The following GHR variants were observed in gnomAD, a reference collection of about 807,000 sequenced individuals.
GHR encodes the protein growth hormone receptor.
Under a neutral mutation model 67.1 loss-of-function variants are expected in GHR, and 35 were observed. That is an observed-to-expected ratio of 0.52 (90% confidence interval 0.40 to 0.69). The LOEUF (loss-of-function observed/expected upper bound fraction) is 0.69. Ranked by LOEUF, GHR falls within the 30% of genes least tolerant of loss-of-function variation. The pLI, the probability that GHR is intolerant of heterozygous loss-of-function variation, is 0.00. For missense variants in GHR, 792 were observed against 764.6 expected, an observed-to-expected ratio of 1.04 and a Z score of -0.42; for synonymous variants, 272 against 269.1, an observed-to-expected ratio of 1.01 and a Z score of -0.10.
rs537955487 is a variant in GHR at position 42,467,342 on chromosome 5, T to G, written c.-12+43387T>G. ...TGGCTTCGCTGATGTACAATAAGATTTGCAATCTGCGTAAAGGCTTTGCCA... is the reference window on the plus strand; with the variant it reads ...TGGCTTCGCTGATGTACAATAAGATGTGCAATCTGCGTAAAGGCTTTGCCA... On this transcript the variant is annotated intron_variant, in intron 1 of 9. Transcript: ENST00000230882. 8.2e-5 allele frequency: 86 copies of G among 1,051,446 alleles called. 1 individual carries two copies. Among genetic ancestry groups the G allele is most frequent in the Middle Eastern group, 4.1e-4 (2 of 4,888 alleles). The allele number at this position is 1,051,446 out of a possible 1,614,324, so 65.1% of individuals were successfully genotyped here. A position where few individuals can be genotyped will look rare whatever the true frequency, so the allele number is the denominator to read the frequency against.
chr5:42,571,557 G>A (rs909125750), intron 2 of GHR, among the ~76,000 whole-genome samples: 1 of 152,186 alleles, frequency 6.6e-6, no homozygotes, highest in African/African-American at 2.4e-5. Flanking sequence ...AGGTTGGTTA[G>A]GCTCCCACGG....
intron 1 of GHR, among the ~76,000 whole-genome samples, chr5:42,519,115 G>T (rs567740237): frequency 6.6e-6 from 1 of 152,206 alleles, no homozygotes; most frequent in Admixed American, 6.5e-5. Flanking sequence ...AAATAATATC[G>T]TATATACTTT....
At chr5:42,473,771 G>A (rs1745112784) in intron 1 of GHR, among the ~76,000 whole-genome samples, 2 of 151,994 alleles carry the variant, frequency 1.3e-5, no homozygotes, top group African/African-American at 4.8e-5. Flanking sequence ...CAGCTACTCG[G>A]GAGGCTGAGG....
chr5:42,532,863 A>ATTTTTTTT (rs1202964719), intron 1 of GHR, among the ~76,000 whole-genome samples: 2 of 152,270 alleles, frequency 1.3e-5, no homozygotes, highest in East Asian at 3.9e-4. Context: ...AATTGATACA[A>ATTTTTTTT]TTTTTAATTA....
intron 1 of GHR, among the ~76,000 whole-genome samples, chr5:42,501,948 T>C (rs994028553): frequency 6.6e-6 from 1 of 152,312 alleles, no homozygotes; most frequent in Non-Finnish European, 1.5e-5. Flanking sequence ...ATTGTGTTAA[T>C]TGCAATTAAA....
At chr5:42,533,082 C>G (rs1232280853) in intron 1 of GHR, among the ~76,000 whole-genome samples, 1 of 152,130 alleles carries the variant, frequency 6.6e-6, no homozygotes, top group East Asian at 1.9e-4. Context: ...TTTCGCAGGT[C>G]ATTGCCAACA....
chr5:42,614,447 C>T (rs2112685350), intron 2 of GHR, among the ~76,000 whole-genome samples: 1 of 151,350 alleles, frequency 6.6e-6, no homozygotes, highest in South Asian at 2.1e-4. Flanking sequence ...TTCTGAAGGT[C>T]AGAGGTGGGG....
intron 1 of GHR, among the ~76,000 whole-genome samples, chr5:42,547,500 A>G (rs1045214260): frequency 6.6e-6 from 1 of 152,152 alleles, no homozygotes; most frequent in African/African-American, 2.4e-5. Flanking sequence ...TCACCCGAGT[A>G]TGTAATTCAC....
At chr5:42,689,643 G>A (rs1362228106) in intron 4 of GHR, among the ~76,000 whole-genome samples, 1 of 152,106 alleles carries the variant, frequency 6.6e-6, no homozygotes, top group Non-Finnish European at 1.5e-5. Context: ...GCATATTTGA[G>A]GGATGAAAAA....
chr5:42,620,607 G>A (rs972266208), intron 2 of GHR, among the ~76,000 whole-genome samples: 6 of 152,084 alleles, frequency 3.9e-5, no homozygotes, highest in Admixed American at 2.6e-4. Context: ...GACCATGAAA[G>A]GTGGATGGTT....
chr5:42,633,941 T>C (rs1483795598), intron 3 of GHR, among the ~76,000 whole-genome samples: 1 of 152,208 alleles, frequency 6.6e-6, no homozygotes, highest in Non-Finnish European at 1.5e-5. Flanking sequence ...CCACAAAGCT[T>C]TGCCCAGTTC....
At position 42,672,331 on chromosome 5, in the gene GHR, G is replaced by A. The variant is rs556753563; in HGVS notation, c.137-16559G>A. Among the ~76,000 whole-genome samples, 270 of 152,230 alleles carry A rather than the reference G, an allele frequency of 1.8e-3. 2 individuals are homozygous for A. Among genetic ancestry groups the A allele is most frequent in the Non-Finnish European group, 1.5e-3 (102 of 68,012 alleles). On this transcript the variant is annotated intron_variant, in intron 3 of 9. Transcript: ENST00000230882. ...CAAAATCAATGTGCAAAAATCAGTA[G>A]CATTTCTATACAGCAATAGTGTTCA...
intron 3 of GHR, among the ~76,000 whole-genome samples, chr5:42,643,391 A>G (rs1409543785): frequency 6.6e-6 from 1 of 152,166 alleles, no homozygotes; most frequent in Non-Finnish European, 1.5e-5. Context: ...TCAAGGGATT[A>G]CCTGTTAACT....
chr5:42,711,019 A>G (rs1366125080), intron 6 of GHR, among the ~76,000 whole-genome samples, 188 bp from the exon 7 acceptor site: 2 of 152,180 alleles, frequency 1.3e-5, no homozygotes, highest in African/African-American at 2.4e-5. Flanking sequence ...TTTGTGAACT[A>G]TTATCCATTT....
chr5:42,603,170 A>G (rs1752465430), intron 2 of GHR, among the ~76,000 whole-genome samples: 1 of 151,912 alleles, frequency 6.6e-6, no homozygotes, highest in Admixed American at 6.6e-5. Context: ...CAGCACTTGG[A>G]ATATATCATT....
At chr5:42,587,530 G>A (rs1052023290) in intron 2 of GHR, among the ~76,000 whole-genome samples, 1 of 152,104 alleles carries the variant, frequency 6.6e-6, no homozygotes, top group African/African-American at 2.4e-5. Flanking sequence ...TGAACTTATC[G>A]CTAGTCTAAA....
At chr5:42,604,358 T>C (rs1752520565) in intron 2 of GHR, among the ~76,000 whole-genome samples, 1 of 152,230 alleles carries the variant, frequency 6.6e-6, no homozygotes, top group Non-Finnish European at 1.5e-5. Context: ...CAGAAAGGCC[T>C]GTCTGTTCAG....
chr5:42,533,115 T>C (rs914185796), intron 1 of GHR, among the ~76,000 whole-genome samples: 2 of 152,122 alleles, frequency 1.3e-5, no homozygotes, highest in Non-Finnish European at 2.9e-5. Context: ...CAGATTTAAT[T>C]ATTTGCCAGT....
At chr5:42,531,421 A>C (rs1193713007) in intron 1 of GHR, among the ~76,000 whole-genome samples, 1 of 152,116 alleles carries the variant, frequency 6.6e-6, no homozygotes, top group South Asian at 2.1e-4. Context: ...CAATGATTTG[A>C]GACAGTGAAT....
Sources: allele counts gnomAD v4.1 joint callset (sites outside exome capture counted in the v4.1 genomes callset), GRCh38; gene constraint gnomAD v4.1.1; transcripts MANE v1.5; gene names NCBI Gene and HGNC (gene_info 2026-07-23, HGNC 2026-07-21).